TCF12: variants seen among roughly 807,000 people sequenced by gnomAD.
TCF12 encodes transcription factor 12.
TCF12 carries 45 observed loss-of-function variants against 86.0 expected under a neutral mutation model. The observed-to-expected ratio is 0.52, with a 90% CI of 0.41 to 0.67. The LOEUF (loss-of-function observed/expected upper bound fraction) is 0.67. TCF12 is among the 30% of genes least tolerant of loss of function. TCF12 has a pLI of 0.00. For synonymous variants in TCF12, 330 were observed against 299.6 expected (o/e 1.10, Z -1.05); for missense variants, 881 against 859.9 (o/e 1.02, Z -0.31).
intron 4 of TCF12, among the ~76,000 whole-genome samples, chr15:57,086,544 ATAAT>A (rs1433970395): frequency 6.6e-6 from 1 of 152,054 alleles, no homozygotes; most frequent in African/African-American, 2.4e-5. Context: ...ATTTAAATGG[ATAAT>A]TAAATAGGCA....
intron 3 of TCF12, among the ~76,000 whole-genome samples, chr15:56,955,597 A>G (rs1262284805): frequency 6.6e-6 from 1 of 152,238 alleles, no homozygotes; most frequent in African/African-American, 2.4e-5. Flanking sequence ...TGGTTAGAGA[A>G]CATGCTTTGT....
rs2152175464 is a variant in TCF12 at position 57,289,093 on chromosome 15, T to C, written c.*2948T>C. 6.6e-6 allele frequency: 1 copy of C among 152,296 alleles called. No individual in the cohort carries two copies. The highest frequency in any genetic ancestry group is 1.5e-5 in the Non-Finnish European group (1 of 68,020). 9.4% of individuals were successfully genotyped at this position (152,296 alleles called of 1,614,324 possible). A position where few individuals can be genotyped will look rare whatever the true frequency, so the allele number is the denominator to read the frequency against. ...CTTTTTTTTTGACAGTGAATGACTT[T>C]TTGTAGGACCTGTGCGTGCGAAACC... On this transcript the variant is annotated 3_prime_UTR_variant, in exon 21 of 21. Transcript: ENST00000333725.
Position 57,169,634 on chromosome 15 carries a change from G to A in TCF12, c.390+3168G>A, listed in dbSNP as rs1019480801. Among the ~76,000 whole-genome samples the A allele has an allele frequency of 7.9e-5, 12 of 152,080 alleles. No individual in the cohort carries two copies. In the South Asian group the frequency reaches 1.0e-3, roughly 13 times the overall value. ...TTTGGATCTTTAATATTATTTTTAAGAGACCTAAATGTTTGAGAGCCACTG... is the reference window on the plus strand; with the variant it reads ...TTTGGATCTTTAATATTATTTTTAAAAGACCTAAATGTTTGAGAGCCACTG... On this transcript the variant is annotated intron_variant, in intron 6 of 20. Coordinates refer to ENST00000333725, the MANE Select transcript of TCF12 (RefSeq NM_207037.2).
At chr15:56,936,968 A>C (rs1460576865) in intron 3 of TCF12, among the ~76,000 whole-genome samples, 1 of 152,236 alleles carries the variant, frequency 6.6e-6, no homozygotes, top group East Asian at 1.9e-4. Flanking sequence ...TTCTGGTTCC[A>C]TATGAATTTT....
chr15:56,990,856 A>G (rs1455075561), intron 3 of TCF12, among the ~76,000 whole-genome samples: 1 of 151,022 alleles, frequency 6.6e-6, no homozygotes, highest in African/African-American at 2.4e-5. Context: ...GTGAAGTGGC[A>G]TAATCATGGC....
At chr15:57,221,652 G>T (rs568587075) in intron 8 of TCF12, among the ~76,000 whole-genome samples, 19 of 152,064 alleles carry the variant, frequency 1.2e-4, no homozygotes, top group Admixed American at 6.5e-4. Flanking sequence ...ATAGGTCAAA[G>T]GTGACTTTTA....
At chr15:57,247,155 A>G in intron 13 of TCF12, 1 of 542,770 alleles carries the variant, frequency 1.8e-6, no homozygotes, top group Non-Finnish European at 3.5e-6. Context: ...CCGTCACTCC[A>G]CCACCACCAC....
At chr15:56,922,427 G>A (rs1216424901) in intron 3 of TCF12, among the ~76,000 whole-genome samples, 1 of 151,888 alleles carries the variant, frequency 6.6e-6, no homozygotes, top group Non-Finnish European at 1.5e-5. Context: ...TTAGAATAAA[G>A]GCAATTACAT....
At chr15:56,955,577 A>T (rs530276757) in intron 3 of TCF12, among the ~76,000 whole-genome samples, 13 of 152,312 alleles carry the variant, frequency 8.5e-5, no homozygotes, top group African/African-American at 2.9e-4. Flanking sequence ...AAAATAAAAA[A>T]AAGCATTTGT....
chr15:56,925,208 CA>C (rs372334381), intron 3 of TCF12, among the ~76,000 whole-genome samples: 1,599 of 150,056 alleles, frequency 0.011, 22 homozygotes, highest in African/African-American at 0.037. Context: ...TCTCCAAAAA[CA>C]AAAAAAAACC....
In TCF12 at chr15:56,944,338, G is replaced by A. The variant is rs191076202; in HGVS notation, c.148+23240G>A. On this transcript the variant is annotated intron_variant, in intron 3 of 20. Coordinates refer to ENST00000333725, the MANE Select transcript of TCF12 (RefSeq NM_207037.2). ...AGAATTAAGTGATTGAGACTCTGAA[G>A]GCTCTGGAAATGGGTTGTCAGTTTT... is the stretch of plus-strand genomic sequence containing the variant. Among the ~76,000 whole-genome samples, 31 of 152,276 alleles carry A rather than the reference G, an allele frequency of 2.0e-4. No homozygotes were observed. The East Asian group carries it at 5.6e-3, about 27-fold the overall frequency.
intron 3 of TCF12, among the ~76,000 whole-genome samples, chr15:56,975,233 TA>T (rs1165185085): frequency 3.3e-5 from 5 of 152,298 alleles, no homozygotes; most frequent in Admixed American, 3.3e-4. Context: ...GGCCATGATC[TA>T]ATAATAAGGG....
intron 3 of TCF12, among the ~76,000 whole-genome samples, chr15:56,962,449 G>A (rs1567171573): frequency 6.6e-6 from 1 of 152,070 alleles, no homozygotes; most frequent in Non-Finnish European, 1.5e-5. Context: ...TTCAATTCAT[G>A]TTGGACAGCT....
rs116742907 is a variant in TCF12, at chr15:57,247,594, A to C, written c.1115-3756A>C. ...TGTCTTCCATAACTTCTGCGGTTTC[A>C]ATCTTGCCATACTTTTCAAAGTAGT... On this transcript the variant is annotated intron_variant, in intron 13 of 20. Transcript: ENST00000333725. 2,772 of 834,978 alleles carry C rather than the reference A, an allele frequency of 3.3e-3. 44 individuals are homozygous for C. The African/African-American group carries it at 0.039, about 12-fold the overall frequency. The allele number at this position is 834,978 out of a possible 1,614,324, so 51.7% of individuals were successfully genotyped here.
intron 8 of TCF12, among the ~76,000 whole-genome samples, chr15:57,206,605 T>C (rs868671344): frequency 4.3e-5 from 5 of 117,242 alleles, no homozygotes; most frequent in Admixed American, 8.6e-5. Flanking sequence ...TTTTTTTTTT[T>C]CTGAGACAGT....
chr15:57,126,846 A>T (rs13380286), intron 5 of TCF12, among the ~76,000 whole-genome samples: 4,039 of 152,288 alleles, frequency 0.027, 173 homozygotes, highest in African/African-American at 0.092. Context: ...ATTCTTTGTA[A>T]TTGGCCATAA....
intron 16 of TCF12, among the ~76,000 whole-genome samples, chr15:57,257,544 C>G (rs139132820): frequency 1.3e-5 from 2 of 151,990 alleles, no homozygotes; most frequent in East Asian, 3.9e-4. Flanking sequence ...ACCAGTGGTC[C>G]CAGCTACTCA....
chr15:56,933,304 T>C (rs1295901344), intron 3 of TCF12, among the ~76,000 whole-genome samples: 1 of 152,232 alleles, frequency 6.6e-6, no homozygotes, highest in Admixed American at 6.5e-5. Flanking sequence ...ATAATGCTAA[T>C]ATTGAAAGGG....
chr15:56,977,867 CT>C (rs1388955735), intron 3 of TCF12, among the ~76,000 whole-genome samples: 1 of 152,116 alleles, frequency 6.6e-6, no homozygotes, highest in Non-Finnish European at 1.5e-5. Context: ...AAACAGACTG[CT>C]TGACTTCATC....
Sources: gnomAD v4.1 joint callset for allele counts (sites outside exome capture counted in the v4.1 genomes callset) on GRCh38, gnomAD v4.1.1 for gene constraint, MANE v1.5 for transcripts, NCBI Gene and HGNC (gene_info 2026-07-23, HGNC 2026-07-21) for gene names.